The following NAV2 variants were observed in gnomAD, a reference collection of about 807,000 sequenced individuals.
NAV2 encodes helicase, APC down-regulated 1.
In NAV2, 54 loss-of-function variants were observed where a neutral mutation model predicts 223.2. The observed-to-expected ratio is 0.24, with a 90% CI of 0.19 to 0.30. NAV2 has a LOEUF of 0.30. Ranked by LOEUF, NAV2 falls within the 10% of genes least tolerant of loss-of-function variation. The probability of loss-of-function intolerance (pLI) is 1.00; values close to 1 mark genes in which losing one functional copy is unlikely to be tolerated. For missense variants in NAV2, 2,806 were observed against 3,147.5 expected (o/e 0.89, Z 2.60); for synonymous variants, 1,279 against 1,239.3 (o/e 1.03, Z -0.67).
At chr11:19,859,159 T>TTTTTTTTTA (rs2061546894) in intron 3 of NAV2, among the ~76,000 whole-genome samples, 1 of 121,882 alleles carries the variant, frequency 8.2e-6, no homozygotes, top group African/African-American at 3.1e-5. Context: ...TTTTTTTTTT[T>TTTTTTTTTA]ATTGATCATT....
At chr11:19,488,883 A>G (rs1376121347) in intron 1 of NAV2, among the ~76,000 whole-genome samples, 1 of 152,180 alleles carries the variant, frequency 6.6e-6, no homozygotes, top group African/African-American at 2.4e-5. Flanking sequence ...ATGCCTACTG[A>G]CAGGTCTTCC....
At chr11:19,563,831 T>C (rs2134799508) in intron 1 of NAV2, among the ~76,000 whole-genome samples, 1 of 152,170 alleles carries the variant, frequency 6.6e-6, no homozygotes, top group Middle Eastern at 3.4e-3. Context: ...ATGAAGAGAA[T>C]AGTAATAACT....
At chr11:19,516,889 T>A (rs2134281286) in intron 1 of NAV2, among the ~76,000 whole-genome samples, 1 of 152,060 alleles carries the variant, frequency 6.6e-6, no homozygotes, top group Non-Finnish European at 1.5e-5. Context: ...GACACAATGG[T>A]AGATGAAGTT....
Position 20,045,646 on chromosome 11 carries a change from A to G in NAV2, c.3878A>G (p.Asp1293Gly). Residue 1293 changes from aspartate to glycine, a missense_variant, in exon 14 of 38, where the codon GAT (aspartate) becomes GGT (glycine). Around this residue, in one of 4 missense-constraint regions of NAV2, gnomAD observed 742 missense variants for 777.9 expected, o/e 0.95. Coordinates refer to ENST00000349880, the MANE Select transcript of NAV2 (RefSeq NM_145117.5). ...TSLQPGAKYP[D>G]VASPTLRRLF... ...CTCCAGCCTGGAGCCAAGTACCCAG[A>G]TGTGGCCTCTCCCACACTCCGCAGG... 4 of 1,614,100 alleles carry G rather than the reference A, an allele frequency of 2.5e-6. No individual in the cohort carries two copies. Among genetic ancestry groups the G allele is most frequent in the Non-Finnish European group, 3.4e-6 (4 of 1,179,980 alleles).
intron 11 of NAV2, among the ~76,000 whole-genome samples, chr11:20,023,297 C>CG (rs2054684319): frequency 6.6e-5 from 2 of 30,094 alleles, no homozygotes; most frequent in Non-Finnish European, 1.5e-4. Context: ...TGGGAGGGGG[C>CG]GGGGGGCAAG....
At chr11:19,667,342 C>T (rs1481266281) in intron 1 of NAV2, among the ~76,000 whole-genome samples, 2 of 152,188 alleles carry the variant, frequency 1.3e-5, no homozygotes, top group Non-Finnish European at 2.9e-5. Context: ...TCAGAGTCAG[C>T]AGGGAAGACA....
At chr11:19,362,116 A>G (rs1161135558) in intron 1 of NAV2, among the ~76,000 whole-genome samples, 1 of 152,158 alleles carries the variant, frequency 6.6e-6, no homozygotes, top group Admixed American at 6.5e-5. Flanking sequence ...TGTCACTTTA[A>G]CTTCACTTGA....
intron 1 of NAV2, among the ~76,000 whole-genome samples, chr11:19,500,915 T>A (rs1413610228): frequency 1.3e-5 from 2 of 152,128 alleles, no homozygotes; most frequent in East Asian, 3.9e-4. Context: ...AACACAAACT[T>A]GTTATTTTAC....
intron 26 of NAV2, among the ~76,000 whole-genome samples, chr11:20,090,027 C>A (rs2060726559): frequency 6.6e-6 from 1 of 152,128 alleles, no homozygotes; most frequent in Non-Finnish European, 1.5e-5. Context: ...TCCCTTCTTG[C>A]CCTGAGTGTG....
chr11:19,738,180 A>C (rs2152444232), intron 1 of NAV2, among the ~76,000 whole-genome samples: 2 of 152,384 alleles, frequency 1.3e-5, no homozygotes, highest in South Asian at 4.1e-4. Context: ...TGACACCTCC[A>C]GAACCATCTG....
intron 1 of NAV2, chr11:19,505,498 A>G (rs887550786): frequency 6.6e-6 from 1 of 152,216 alleles, no homozygotes; most frequent in Non-Finnish European, 1.5e-5. Context: ...CATTGGGTCA[A>G]CTTGGGCCAG....
intron 11 of NAV2, among the ~76,000 whole-genome samples, chr11:20,032,589 C>G (rs1401747471): frequency 6.6e-6 from 1 of 152,186 alleles, no homozygotes; most frequent in Non-Finnish European, 1.5e-5. Context: ...AAATTCCTAA[C>G]CCCAAAGAGC....
chr11:19,351,229 A>G (rs967826360), intron 1 of NAV2, among the ~76,000 whole-genome samples: 37 of 152,122 alleles, frequency 2.4e-4, no homozygotes, highest in African/African-American at 4.6e-4. Flanking sequence ...AAGAAAAGGG[A>G]AAAAAAATTC....
rs541732861 is a variant in NAV2, at chr11:19,383,133, A to G, written c.75+32106A>G. ...CTTCAATCCTGTGACAGACACTGCT[A>G]TAGTGCACTAGCATCTCTATTCTCT... On this transcript the variant is annotated intron_variant, in intron 1 of 37. Coordinates refer to the NAV2 transcript ENST00000360655. Among the ~76,000 whole-genome samples, 8 of 152,342 alleles carry G rather than the reference A, an allele frequency of 5.3e-5. No individual in the cohort carries two copies. In the South Asian group the frequency reaches 6.2e-4, roughly 12 times the overall value.
At chr11:19,901,658 G>T (rs574028178) in intron 6 of NAV2, among the ~76,000 whole-genome samples, 1 of 152,288 alleles carries the variant, frequency 6.6e-6, no homozygotes, top group Non-Finnish European at 1.5e-5. Flanking sequence ...CATAGCAGGA[G>T]ATTAATAAAT....
At chr11:19,632,808 T>A (rs1416691788) in intron 1 of NAV2, among the ~76,000 whole-genome samples, 1 of 152,218 alleles carries the variant, frequency 6.6e-6, no homozygotes, top group South Asian at 2.1e-4. Context: ...TCCATCTAAC[T>A]AGGAGAGCAA....
chr11:19,660,779 C>A (rs918246311), intron 1 of NAV2, among the ~76,000 whole-genome samples: 3 of 152,098 alleles, frequency 2.0e-5, no homozygotes, highest in African/African-American at 7.2e-5. Flanking sequence ...CTGAAATGAG[C>A]CTGAGTGTAG....
intron 1 of NAV2, among the ~76,000 whole-genome samples, chr11:19,486,644 G>A (rs917559126): frequency 6.6e-6 from 1 of 152,074 alleles, no homozygotes; most frequent in Admixed American, 6.5e-5. Context: ...AATTTCCTGA[G>A]GCCTCCCCAA....
At chr11:19,376,456 G>T (rs1848644477) in intron 1 of NAV2, among the ~76,000 whole-genome samples, 1 of 152,186 alleles carries the variant, frequency 6.6e-6, no homozygotes, top group Non-Finnish European at 1.5e-5. Context: ...CGAGGGCACA[G>T]AGGGGACGAG....
Sources: gnomAD v4.1 joint callset for allele counts (sites outside exome capture counted in the v4.1 genomes callset) on GRCh38, gnomAD v4.1.1 for gene constraint, gnomAD v4.1.1 regional missense constraint, MANE v1.5 for transcripts, NCBI Gene and HGNC (gene_info 2026-07-23, HGNC 2026-07-21) for gene names.